Variants in PLPPR1 observed in about 807,000 individuals in gnomAD.
The protein encoded by PLPPR1 is phospholipid phosphatase-related protein type 1.
Under a neutral mutation model 33.1 loss-of-function variants are expected in PLPPR1, and 10 were observed. That is an observed-to-expected ratio of 0.30 (90% CI 0.19 to 0.51). The LOEUF (loss-of-function observed/expected upper bound fraction) is 0.51. Ranked by LOEUF, PLPPR1 falls within the 20% of genes least tolerant of loss-of-function variation. The pLI, the probability that PLPPR1 is intolerant of heterozygous loss-of-function variation, is 0.97. For missense variants in PLPPR1, 304 were observed against 408.1 expected (o/e 0.74, Z 2.20); for synonymous variants, 151 against 151.0 (o/e 1.00, Z 0.00).
intron 2 of PLPPR1, among the ~76,000 whole-genome samples, chr9:101,192,191 G>C (rs531330232): frequency 8.5e-4 from 129 of 152,060 alleles, no homozygotes; most frequent in Non-Finnish European, 7.8e-4. Flanking sequence ...CTTGCTTTTG[G>C]CCCTTTACTT....
intron 3 of PLPPR1, among the ~76,000 whole-genome samples, chr9:101,272,453 C>T (rs943851397): frequency 1.3e-5 from 2 of 152,118 alleles, no homozygotes; most frequent in East Asian, 3.8e-4. Flanking sequence ...TGAATAGTAA[C>T]AATAACTCAC....
intron 1 of PLPPR1, among the ~76,000 whole-genome samples, chr9:101,159,015 T>G (rs1831738053): frequency 6.6e-6 from 1 of 152,204 alleles, no homozygotes; most frequent in Non-Finnish European, 1.5e-5. Context: ...AACTTTCAAT[T>G]TTGAGAGTCA....
At chr9:101,316,192 T>C (rs945695608) in intron 6 of PLPPR1, among the ~76,000 whole-genome samples, 6 of 152,026 alleles carry the variant, frequency 3.9e-5, no homozygotes, top group African/African-American at 1.4e-4. Flanking sequence ...ATTCCAGCAC[T>C]TTGGGAGGCC....
intron 1 of PLPPR1, among the ~76,000 whole-genome samples, chr9:101,101,613 T>C (rs1467069603): frequency 6.6e-6 from 1 of 151,892 alleles, no homozygotes; most frequent in Non-Finnish European, 1.5e-5. Flanking sequence ...TATATGGTCA[T>C]CCACTTGAAT....
chr9:101,043,610 T>C (rs1830110304), intron 1 of PLPPR1, among the ~76,000 whole-genome samples: 1 of 152,108 alleles, frequency 6.6e-6, no homozygotes, highest in African/African-American at 2.4e-5. Context: ...AACATGTTTG[T>C]GCAAGTATCT....
chr9:101,250,352 C>G (rs1287370410), intron 2 of PLPPR1, among the ~76,000 whole-genome samples: 1 of 152,096 alleles, frequency 6.6e-6, no homozygotes, highest in Non-Finnish European at 1.5e-5. Flanking sequence ...AGAGCACCCT[C>G]TTATGCTTAC....
At chr9:101,220,845 T>C (rs1255870046) in intron 2 of PLPPR1, among the ~76,000 whole-genome samples, 1 of 152,230 alleles carries the variant, frequency 6.6e-6, no homozygotes, top group Non-Finnish European at 1.5e-5. Flanking sequence ...ATCAAGGCTC[T>C]ACCCTGGAGC....
intron 2 of PLPPR1, among the ~76,000 whole-genome samples, chr9:101,214,431 C>T (rs901294671): frequency 1.3e-5 from 2 of 151,958 alleles, no homozygotes; most frequent in Non-Finnish European, 1.5e-5. Context: ...TGCACACACA[C>T]ACATATACAC....
chr9:101,197,531 A>C (rs977306542), intron 2 of PLPPR1, among the ~76,000 whole-genome samples: 1 of 152,190 alleles, frequency 6.6e-6, no homozygotes, highest in African/African-American at 2.4e-5. Context: ...GGTCATGGCA[A>C]TAGATATTGC....
chr9:101,278,150 A>G (rs1289840509), intron 3 of PLPPR1, among the ~76,000 whole-genome samples: 1 of 152,236 alleles, frequency 6.6e-6, no homozygotes, highest in Non-Finnish European at 1.5e-5. Context: ...ACCACATATA[A>G]CATGCAGTGA....
intron 2 of PLPPR1, among the ~76,000 whole-genome samples, chr9:101,228,703 A>G (rs1303402145): frequency 2.6e-5 from 4 of 152,180 alleles, no homozygotes; most frequent in Non-Finnish European, 4.4e-5. Context: ...ATTTAAAAGC[A>G]GAACCAATTG....
chr9:101,300,155 G>A (rs910358748), intron 4 of PLPPR1, among the ~76,000 whole-genome samples: 4 of 152,064 alleles, frequency 2.6e-5, no homozygotes, highest in African/African-American at 9.7e-5. Context: ...AAAAAGTAGT[G>A]TGTGTTTTGG....
At chr9:101,232,636 C>T (rs1442468199) in intron 2 of PLPPR1, among the ~76,000 whole-genome samples, 1 of 151,906 alleles carries the variant, frequency 6.6e-6, no homozygotes, top group Admixed American at 6.6e-5. Context: ...ATTCACATAT[C>T]ACAATAGCCT....
chr9:101,227,629 A>G (rs906073707), intron 2 of PLPPR1, among the ~76,000 whole-genome samples: 6 of 152,166 alleles, frequency 3.9e-5, no homozygotes, highest in African/African-American at 1.4e-4. Flanking sequence ...TTCCAAGTGA[A>G]TTGTAGGCCA....
intron 1 of PLPPR1, among the ~76,000 whole-genome samples, chr9:101,177,550 A>G (rs901642832): frequency 6.6e-6 from 1 of 152,178 alleles, no homozygotes; most frequent in Non-Finnish European, 1.5e-5. Context: ...TCATTCTTCA[A>G]AATAGTTGTT....
intron 3 of PLPPR1, among the ~76,000 whole-genome samples, chr9:101,272,955 T>C (rs1828126247): frequency 6.6e-6 from 1 of 152,226 alleles, no homozygotes; most frequent in South Asian, 2.1e-4. Flanking sequence ...TATATAGGGA[T>C]GTTCATGTCA....
At chr9:101,212,513 AATT>A (rs1826709622) in intron 2 of PLPPR1, among the ~76,000 whole-genome samples, 1 of 152,330 alleles carries the variant, frequency 6.6e-6, no homozygotes, top group South Asian at 2.1e-4. Flanking sequence ...TCATAATAAT[AATT>A]GTCAAAATAT....
intron 2 of PLPPR1, among the ~76,000 whole-genome samples, chr9:101,199,125 A>AACAAGTGTCATGGCCCC (rs1184925711): frequency 1.3e-5 from 2 of 152,194 alleles, no homozygotes; most frequent in African/African-American, 4.8e-5. Flanking sequence ...CTCACAGGGG[A>AACAAGTGTCATGGCCCC]ACAAGTGTCA....
intron 2 of PLPPR1, among the ~76,000 whole-genome samples, chr9:101,267,986 C>T (rs796956962): frequency 1.6e-4 from 24 of 152,178 alleles, no homozygotes; most frequent in African/African-American, 5.5e-4. Flanking sequence ...CCATCATTCT[C>T]AGCAAACTAT....
Sources: allele counts gnomAD v4.1 joint callset (sites outside exome capture counted in the v4.1 genomes callset), GRCh38; gene constraint gnomAD v4.1.1; transcripts MANE v1.5; gene names NCBI Gene and HGNC (gene_info 2026-07-23, HGNC 2026-07-21).